ADK: variants seen among roughly 807,000 people sequenced by gnomAD.
ADK encodes N6,N6-dimethyladenosine kinase.
ADK carries 24 observed loss-of-function variants against 44.7 expected under a neutral mutation model. That is an observed-to-expected ratio of 0.54 (90% CI 0.39 to 0.76). The LOEUF (loss-of-function observed/expected upper bound fraction) is 0.76. Ranked by LOEUF, ADK falls within the 30% of genes least tolerant of loss-of-function variation. ADK has a pLI of 0.00. For missense variants in ADK, 321 were observed against 425.1 expected, an observed-to-expected ratio of 0.76 and a Z score of 2.15; for synonymous variants, 128 against 142.6, an observed-to-expected ratio of 0.90 and a Z score of 0.73.
intron 6 of ADK, among the ~76,000 whole-genome samples, chr10:74,524,272 A>C (rs1314606746): frequency 6.6e-6 from 1 of 152,234 alleles, no homozygotes; most frequent in Non-Finnish European, 1.5e-5. Flanking sequence ...GAAAATTTTA[A>C]AGAAAAATTA....
chr10:74,525,553 G>C (rs940517353), intron 7 of ADK, 127 bp downstream of exon 7: 6 of 852,276 alleles, frequency 7.0e-6, no homozygotes, highest in Non-Finnish European at 1.1e-5. Context: ...CTTGAGAATT[G>C]TGCAACAAAA....
rs1012918031 is a variant in ADK, at chr10:74,574,185, T to G, written c.727-15097T>G. Among the ~76,000 whole-genome samples, 5 of 150,342 alleles carry G rather than the reference T, an allele frequency of 3.3e-5. No individual in the cohort carries two copies. In the East Asian group the frequency reaches 5.8e-4, roughly 18 times the overall value. On this transcript the variant is annotated intron_variant, in intron 7 of 10. Coordinates refer to ENST00000539909, the MANE Select transcript of ADK (RefSeq NM_006721.4). ...TTCTTTCTTTTTTTTTTTTTTTTTT[T>G]GAGAAAGATTCTCACTCAGCCACCA... is the stretch of plus-strand genomic sequence containing the variant.
intron 10 of ADK, among the ~76,000 whole-genome samples, chr10:74,702,190 ATT>A (rs750202264): frequency 4.3e-5 from 6 of 139,532 alleles, no homozygotes; most frequent in Non-Finnish European, 3.1e-5. Context: ...TATTTATGTG[ATT>A]TTTTTTTTTT....
At chr10:74,570,050 T>G (rs1026846006) in intron 7 of ADK, among the ~76,000 whole-genome samples, 74 of 152,122 alleles carry the variant, frequency 4.9e-4, no homozygotes, top group African/African-American at 1.5e-3. Context: ...CCATTGCTTG[T>G]TTTTGTCAGG....
intron 9 of ADK, among the ~76,000 whole-genome samples, chr10:74,624,626 T>G (rs1459619518): frequency 6.6e-6 from 1 of 152,094 alleles, no homozygotes; most frequent in Non-Finnish European, 1.5e-5. Context: ...AGTACAATAA[T>G]AGAGCTGTTT....
At chr10:74,557,417 A>T (rs118126792) in intron 7 of ADK, among the ~76,000 whole-genome samples, 3,069 of 152,204 alleles carry the variant, frequency 0.02, 47 homozygotes, top group Non-Finnish European at 0.029. Context: ...ATGGCCAGAG[A>T]TGTTATTGTA....
At chr10:74,609,959 A>G (rs539378509) in intron 9 of ADK, among the ~76,000 whole-genome samples, 1 of 152,234 alleles carries the variant, frequency 6.6e-6, no homozygotes, top group Admixed American at 6.6e-5. Flanking sequence ...TCACATACCA[A>G]TCATTGTTTC....
At chr10:74,654,197 C>T (rs923285919) in intron 9 of ADK, among the ~76,000 whole-genome samples, 1 of 152,120 alleles carries the variant, frequency 6.6e-6, no homozygotes, top group African/African-American at 2.4e-5. Context: ...CCATTGTGCT[C>T]AGAAGGAGAG....
At chr10:74,695,009 G>A (rs1856123337) in intron 10 of ADK, among the ~76,000 whole-genome samples, 1 of 150,896 alleles carries the variant, frequency 6.6e-6, no homozygotes, top group Non-Finnish European at 1.5e-5. Flanking sequence ...AAAACTAGTT[G>A]CCTAAACACT....
chr10:74,400,493 T>A (rs1843669426), intron 6 of ADK, among the ~76,000 whole-genome samples: 1 of 152,196 alleles, frequency 6.6e-6, no homozygotes, highest in Admixed American at 6.5e-5. Context: ...AAATACAATG[T>A]TATTTCCACA....
chr10:74,652,621 G>C (rs558066234), intron 9 of ADK, among the ~76,000 whole-genome samples: 1 of 151,810 alleles, frequency 6.6e-6, no homozygotes, highest in Non-Finnish European at 1.5e-5. Context: ...TTAGCCGGCT[G>C]TAGTGGTGGG....
chr10:74,210,087 T>C (rs1338973339), intron 2 of ADK, among the ~76,000 whole-genome samples: 1 of 152,130 alleles, frequency 6.6e-6, no homozygotes, highest in Non-Finnish European at 1.5e-5. Context: ...CCCAGCACTT[T>C]GGGAGGCCGA....
At chr10:74,176,534 C>T in intron 1 of ADK, 2 of 1,262,158 alleles carry the variant, frequency 1.6e-6, no homozygotes, top group Non-Finnish European at 2.0e-6. Flanking sequence ...CTGTAAACTG[C>T]GGGGTGACGG....
At chr10:74,166,316 A>C (rs1425945822) in intron 1 of ADK, among the ~76,000 whole-genome samples, 1 of 152,206 alleles carries the variant, frequency 6.6e-6, no homozygotes, top group Non-Finnish European at 1.5e-5. Context: ...CTAGTTAAGA[A>C]CAATTTATTA....
At chr10:74,429,492 A>G (rs140438685) in intron 6 of ADK, among the ~76,000 whole-genome samples, 2,353 of 152,294 alleles carry the variant, frequency 0.015, 31 homozygotes, top group Middle Eastern at 0.051. Flanking sequence ...TTCTTTAGTC[A>G]AGTGGTCTTA....
chr10:74,691,602 T>C (rs1855991584), intron 10 of ADK, among the ~76,000 whole-genome samples: 1 of 152,204 alleles, frequency 6.6e-6, no homozygotes, highest in Non-Finnish European at 1.5e-5. Flanking sequence ...CTTAAGGATC[T>C]GAGCCAGAGC....
rs572552719 is a variant in ADK, at chr10:74,372,101, T to G, written c.274-22040T>G. 2.7e-4 allele frequency: 205 copies of G among 751,902 alleles called. 2 individuals carry two copies. The highest frequency in any genetic ancestry group is 2.6e-3 in the South Asian group (189 of 73,552). The allele number at this position is 751,902 out of a possible 1,614,324, so 46.6% of individuals were successfully genotyped here. A position where few individuals can be genotyped will look rare whatever the true frequency, so the allele number is the denominator to read the frequency against. On this transcript the variant is annotated intron_variant, in intron 4 of 10. Transcript: ENST00000539909. ...AAGGTTTGCGCGCGTGTGGCACCATTTCCCATGAACACCCATGGGAATTCA... is the reference window on the plus strand; with the variant it reads ...AAGGTTTGCGCGCGTGTGGCACCATGTCCCATGAACACCCATGGGAATTCA...
chr10:74,452,491 A>C (rs1395270265), intron 6 of ADK, among the ~76,000 whole-genome samples: 1 of 152,066 alleles, frequency 6.6e-6, no homozygotes, highest in African/African-American at 2.4e-5. Context: ...TTGATATAAA[A>C]ACACAATCCT....
chr10:74,574,830 T>C (rs935437333), intron 7 of ADK, among the ~76,000 whole-genome samples: 4 of 152,162 alleles, frequency 2.6e-5, no homozygotes, highest in Admixed American at 2.6e-4. Flanking sequence ...TGCATATGAG[T>C]AGAAAAATTT....
Sources: allele counts gnomAD v4.1 joint callset (sites outside exome capture counted in the v4.1 genomes callset), GRCh38; gene constraint gnomAD v4.1.1; transcripts MANE v1.5; gene names NCBI Gene and HGNC (gene_info 2026-07-23, HGNC 2026-07-21).